The following AP3B1 variants were observed in gnomAD, a reference collection of about 807,000 sequenced individuals.
AP3B1 encodes AP-3 complex subunit beta-1.
In AP3B1, 61 loss-of-function variants were observed where a neutral mutation model predicts 132.5. The ratio of observed to expected loss-of-function variants is 0.46; its 90% CI spans 0.37 to 0.57. The LOEUF is 0.57. Among genes scored for constraint, AP3B1 ranks in the 20% least tolerant of loss-of-function variants. The pLI, the probability that AP3B1 is intolerant of heterozygous loss-of-function variation, is 0.00. For missense variants in AP3B1, 1,120 were observed against 1,289.4 expected (o/e 0.87, Z 2.01); for synonymous variants, 388 against 438.3 (o/e 0.89, Z 1.43).
intron 3 of AP3B1, among the ~76,000 whole-genome samples, chr5:78,235,925 T>C (rs966794893): frequency 4.6e-5 from 7 of 152,200 alleles, no homozygotes; most frequent in African/African-American, 1.4e-4. Context: ...TAAAGCAGCA[T>C]GTACTTGTAA....
chr5:78,152,066 CTTCCCTTCCCTCTCCCTTCCT>C (rs1448814126), intron 14 of AP3B1, among the ~76,000 whole-genome samples: 3 of 113,714 alleles, frequency 2.6e-5, no homozygotes, highest in Non-Finnish European at 5.4e-5. Context: ...TTCCCTTTTC[CTTCCCTTCCCTCTCCCTTCCT>C]TTCCCTTCCC....
At position 78,165,400 on chromosome 5, in the gene AP3B1, C is replaced by T. The variant is rs138937552; in HGVS notation, c.1230+210G>A. Reference sequence around the variant, plus strand: ...GTTATAAACCAAAGTCCTTCAAAGTCTATGAAAATATGAAAGAGAATACTA... The same window carrying T: ...GTTATAAACCAAAGTCCTTCAAAGTTTATGAAAATATGAAAGAGAATACTA... On this transcript the variant is annotated intron_variant, in intron 12 of 26. Transcript: ENST00000255194. 9.1e-4 allele frequency among the ~76,000 whole-genome samples: 139 copies of T among 152,194 alleles called. 1 individual carries two copies. The highest frequency in any genetic ancestry group is 7.5e-3 in the Admixed American group (114 of 15,290).
intron 22 of AP3B1, among the ~76,000 whole-genome samples, chr5:78,044,958 C>G (rs1748259988): frequency 6.6e-6 from 1 of 152,074 alleles, no homozygotes; most frequent in South Asian, 2.1e-4. Flanking sequence ...CTAAAAAGGC[C>G]CTCCCTTACA....
At chr5:78,018,396 T>A (rs1746944058) in intron 25 of AP3B1, among the ~76,000 whole-genome samples, 1 of 152,042 alleles carries the variant, frequency 6.6e-6, no homozygotes, top group East Asian at 1.9e-4. Context: ...ATGTTGCATA[T>A]TAGAAATAAA....
rs537786107 is a variant in AP3B1, at chr5:78,273,980, G to A, written c.129-6385C>T. Among the ~76,000 whole-genome samples the A allele has an allele frequency of 5.9e-5, 8 of 136,116 alleles. No homozygotes were observed. In the East Asian group the frequency reaches 1.1e-3, roughly 18 times the overall value. 89.3% of individuals were successfully genotyped at this position (136,116 alleles called of 152,430 possible). On this transcript the variant is annotated intron_variant, in intron 1 of 26. Transcript: ENST00000255194. The stretch of plus-strand genomic sequence containing the variant: ...TACCTAGCATCTGATCAAAACTTAC[G>A]AGACATACTAAAAACAGGATGAAAT...
At chr5:78,004,293 A>G (rs1205726691) in intron 26 of AP3B1, among the ~76,000 whole-genome samples, 1 of 152,194 alleles carries the variant, frequency 6.6e-6, no homozygotes, top group Non-Finnish European at 1.5e-5. Context: ...TCAGTGTCTC[A>G]TGTCTGACAA....
At chr5:78,053,062 G>A (rs562725018) in intron 22 of AP3B1, among the ~76,000 whole-genome samples, 20 of 152,312 alleles carry the variant, frequency 1.3e-4, no homozygotes, top group African/African-American at 4.8e-4. Context: ...GTTAAGCTGT[G>A]ATTTGAAAGA....
At chr5:78,215,375 T>C (rs1380840882) in intron 7 of AP3B1, among the ~76,000 whole-genome samples, 1 of 152,086 alleles carries the variant, frequency 6.6e-6, no homozygotes, top group East Asian at 1.9e-4. Flanking sequence ...CTAAGGATCT[T>C]AATTACAAGT....
chr5:78,088,408 G>A (rs1396212764), intron 22 of AP3B1, among the ~76,000 whole-genome samples: 1 of 152,082 alleles, frequency 6.6e-6, no homozygotes, highest in Non-Finnish European at 1.5e-5. Context: ...TACTTTCTGA[G>A]CGAGGTGACC....
chr5:78,240,786 T>C, intron 3 of AP3B1, 76 bp downstream of exon 3: 2 of 949,736 alleles, frequency 2.1e-6, no homozygotes, highest in Non-Finnish European at 3.4e-6. Flanking sequence ...TATCTTATGT[T>C]GCATTATACT....
At chr5:78,208,075 GACAGAGAC>G (rs1216910877) in intron 7 of AP3B1, among the ~76,000 whole-genome samples, 1 of 152,040 alleles carries the variant, frequency 6.6e-6, no homozygotes, top group Admixed American at 6.6e-5. Flanking sequence ...GACAGACAGA[GACAGAGAC>G]AGAGAGACAG....
At chr5:78,272,142 TAAC>T (rs1158093934) in intron 1 of AP3B1, among the ~76,000 whole-genome samples, 3 of 152,218 alleles carry the variant, frequency 2.0e-5, no homozygotes, top group South Asian at 4.1e-4. Context: ...GGTTTTTCAA[TAAC>T]AACTTAACTC....
At chr5:78,023,976 T>C (rs142896394) in intron 24 of AP3B1, among the ~76,000 whole-genome samples, 4 of 152,192 alleles carry the variant, frequency 2.6e-5, no homozygotes, top group Non-Finnish European at 5.9e-5. Context: ...AAATAACTGG[T>C]AGAGCAAGGT....
At chr5:78,112,252 G>A (rs1392534277) in intron 19 of AP3B1, among the ~76,000 whole-genome samples, 1 of 152,110 alleles carries the variant, frequency 6.6e-6, no homozygotes, top group Admixed American at 6.5e-5. Flanking sequence ...ATGGAGCCAT[G>A]GTAACATCTC....
rs142126955 is a variant in AP3B1, at chr5:78,167,831, A to C, written c.1168-2159T>G. Among the ~76,000 whole-genome samples, 592 of 152,216 alleles carry C rather than the reference A, an allele frequency of 3.9e-3. 3 individuals are homozygous for C. Among genetic ancestry groups the C allele is most frequent in the African/African-American group, 0.014 (562 of 41,532 alleles). Reference sequence around the variant, plus strand: ...AGCTAAGCTATGAGGATGCACAGACATAAGAATAATACACTGGACTTTGGG... The same window carrying C: ...AGCTAAGCTATGAGGATGCACAGACCTAAGAATAATACACTGGACTTTGGG... On this transcript the variant is annotated intron_variant, in intron 11 of 26. Coordinates refer to ENST00000255194, the MANE Select transcript of AP3B1 (RefSeq NM_003664.5).
At chr5:78,270,572 G>A (rs1748507360) in intron 1 of AP3B1, among the ~76,000 whole-genome samples, 2 of 152,162 alleles carry the variant, frequency 1.3e-5, no homozygotes, top group Non-Finnish European at 2.9e-5. Context: ...TAGGCATAGA[G>A]AACCACTCCA....
At chr5:78,014,463 A>G (rs942442193) in intron 26 of AP3B1, among the ~76,000 whole-genome samples, 4 of 152,198 alleles carry the variant, frequency 2.6e-5, no homozygotes, top group Non-Finnish European at 5.9e-5. Flanking sequence ...AACTTCCCCA[A>G]GATTACCAAG....
chr5:78,097,290 G>T (rs1393024132), intron 21 of AP3B1, among the ~76,000 whole-genome samples: 4 of 134,026 alleles, frequency 3.0e-5, no homozygotes, highest in African/African-American at 5.6e-5. Flanking sequence ...GAGGTGGGGG[G>T]GTCAGCCCCC....
chr5:78,233,654 ATAACTTTCCAGCTAGAATTTAAAT>A (rs775568650), intron 3 of AP3B1, among the ~76,000 whole-genome samples: 9 of 152,242 alleles, frequency 5.9e-5, no homozygotes, highest in Non-Finnish European at 5.9e-5. Flanking sequence ...TCAATCTGCT[ATAACTTTCCAGCTAGAATTTAAAT>A]GTGTAAGGCC....
Sources: allele counts gnomAD v4.1 joint callset (sites outside exome capture counted in the v4.1 genomes callset), GRCh38; gene constraint gnomAD v4.1.1; transcripts MANE v1.5; gene names NCBI Gene and HGNC (gene_info 2026-07-23, HGNC 2026-07-21).